Variants in DCDC2 observed in about 807,000 individuals in gnomAD.
DCDC2 encodes doublecortin domain-containing protein 2.
Under a neutral mutation model 50.2 loss-of-function variants are expected in DCDC2, and 40 were observed. The observed-to-expected ratio is 0.80, with a 90% CI of 0.62 to 1.04. The LOEUF (loss-of-function observed/expected upper bound fraction) is 1.04. DCDC2 is among the 50% of genes least tolerant of loss of function. DCDC2 has a pLI of 0.00. For synonymous variants in DCDC2, 234 were observed against 210.6 expected, an observed-to-expected ratio of 1.11 and a Z score of -0.96; for missense variants, 570 against 581.9, an observed-to-expected ratio of 0.98 and a Z score of 0.21.
chr6:24,182,643 A>AAAAAAAC (rs1761101521), intron 8 of DCDC2, among the ~76,000 whole-genome samples: 1 of 150,726 alleles, frequency 6.6e-6, no homozygotes, highest in Non-Finnish European at 1.5e-5. Flanking sequence ...AAAAAAAAAA[A>AAAAAAAC]ACAGAAGAAA....
intron 8 of DCDC2, among the ~76,000 whole-genome samples, chr6:24,200,725 C>T (rs1185678493): frequency 1.3e-5 from 2 of 151,984 alleles, no homozygotes; most frequent in African/African-American, 4.8e-5. Flanking sequence ...AGAGTCAAGA[C>T]CCATCGGTGT....
chr6:24,253,954 CTT>C (rs1461787080), intron 7 of DCDC2, among the ~76,000 whole-genome samples: 3 of 152,170 alleles, frequency 2.0e-5, no homozygotes, highest in Non-Finnish European at 4.4e-5. Context: ...TAACTTGACT[CTT>C]TCATAACAAA....
intron 2 of DCDC2, among the ~76,000 whole-genome samples, chr6:24,308,738 C>A (rs1042430364): frequency 2.0e-5 from 3 of 152,036 alleles, no homozygotes; most frequent in African/African-American, 4.8e-5. Context: ...AATTGAAACT[C>A]TAAAGAAACA....
chr6:24,369,088 C>G, the DCDC2 span, among the ~76,000 whole-genome samples: 1 of 132,462 alleles, frequency 7.5e-6, no homozygotes, highest in East Asian at 2.4e-4. Context: ...GAGCCAAGAT[C>G]ATGCCACTGC....
chr6:24,282,281 T>C (rs1763492243), intron 6 of DCDC2, among the ~76,000 whole-genome samples: 1 of 151,978 alleles, frequency 6.6e-6, no homozygotes, highest in Admixed American at 6.5e-5. Context: ...CTCACCCTAC[T>C]GCCCAGGCTA....
At chr6:24,312,592 C>T (rs1759593008) in intron 2 of DCDC2, among the ~76,000 whole-genome samples, 1 of 152,150 alleles carries the variant, frequency 6.6e-6, no homozygotes, top group African/African-American at 2.4e-5. Flanking sequence ...GATGAAACCA[C>T]TCATCTCTAC....
chr6:24,362,696 G>GA (rs1760689730), upstream of DCDC2, among the ~76,000 whole-genome samples: 1 of 152,074 alleles, frequency 6.6e-6, no homozygotes, highest in African/African-American at 2.4e-5. Flanking sequence ...AGGCAGCCTA[G>GA]ACTCGAAACG....
intron 8 of DCDC2, among the ~76,000 whole-genome samples, chr6:24,188,033 C>G (rs1386476331): frequency 6.6e-6 from 1 of 152,308 alleles, no homozygotes; most frequent in African/African-American, 2.4e-5. Context: ...AAGTACAGAG[C>G]AAAGACATAT....
chr6:24,193,524 G>A (rs1270627275), intron 8 of DCDC2, among the ~76,000 whole-genome samples: 2 of 152,104 alleles, frequency 1.3e-5, no homozygotes, highest in Admixed American at 1.3e-4. Context: ...TTTGGAGATG[G>A]CTTAGTAACA....
At chr6:24,288,703 T>A (rs1355245626) in intron 6 of DCDC2, 149 bp downstream of exon 6, 3 of 690,216 alleles carry the variant, frequency 4.3e-6, no homozygotes, top group African/African-American at 1.8e-5. Context: ...AAGTGTAACA[T>A]TAAAGTTCTA....
chr6:24,288,832 G>C lies in DCDC2; in HGVS notation c.759+20C>G. 6.2e-7 allele frequency: 1 copy of C among 1,600,752 alleles called. No individual in the cohort carries two copies. Among genetic ancestry groups the C allele is most frequent in the Non-Finnish European group, 8.6e-7 (1 of 1,168,298 alleles). Reference sequence around the variant, plus strand: ...ATATAAAAATATAGAACATCAACGAGGAAAGCATCTGATACTTACACTCCC... The same window carrying C: ...ATATAAAAATATAGAACATCAACGACGAAAGCATCTGATACTTACACTCCC... On this transcript the variant is annotated intron_variant, in intron 6 of 9. Transcript: ENST00000378454.
intron 7 of DCDC2, among the ~76,000 whole-genome samples, chr6:24,242,538 G>A (rs554564529): frequency 1.7e-4 from 26 of 152,262 alleles, no homozygotes; most frequent in Non-Finnish European, 2.6e-4. Flanking sequence ...CCCACCGCCA[G>A]CCTCTGTGAG....
chr6:24,196,418 G>A (rs527712665), intron 8 of DCDC2, among the ~76,000 whole-genome samples: 2 of 152,160 alleles, frequency 1.3e-5, no homozygotes, highest in South Asian at 2.1e-4. Flanking sequence ...AGACTGATAA[G>A]ACTTATCCAG....
At chr6:24,198,196 A>C (rs1173699079) in intron 8 of DCDC2, among the ~76,000 whole-genome samples, 1 of 152,208 alleles carries the variant, frequency 6.6e-6, no homozygotes, top group Non-Finnish European at 1.5e-5. Flanking sequence ...TGGCATTTTA[A>C]AAAAATGCTT....
intron 2 of DCDC2, among the ~76,000 whole-genome samples, chr6:24,309,800 C>T (rs1273182098): frequency 6.6e-6 from 1 of 152,068 alleles, no homozygotes; most frequent in Non-Finnish European, 1.5e-5. Context: ...CAAGATCTCA[C>T]AATATACTGT....
chr6:24,192,784 G>T (rs1004335851), intron 8 of DCDC2, among the ~76,000 whole-genome samples: 9 of 151,882 alleles, frequency 5.9e-5, no homozygotes, highest in Non-Finnish European at 1.3e-4. Context: ...ACTTGGGGAG[G>T]TCCTATATTC....
chr6:24,265,811 A>G (rs985814619), intron 7 of DCDC2, among the ~76,000 whole-genome samples: 1 of 152,022 alleles, frequency 6.6e-6, no homozygotes, highest in African/African-American at 2.4e-5. Context: ...AAAAGTAAAA[A>G]AAAAAAAATT....
rs767951392 is a variant in DCDC2 at position 24,250,096 on chromosome 6, C to T, written c.922+27953G>A. 7.2e-4 allele frequency among the ~76,000 whole-genome samples: 109 copies of T among 152,198 alleles called. 1 individual carries two copies. The highest frequency in any genetic ancestry group is 2.9e-4 in the Non-Finnish European group (20 of 68,020). ...CCTTTTTGATTTTTTACCCGGGTCCCGGCAGCCTCCCTCCCCCATCCTCTG... is the reference window on the plus strand; with the variant it reads ...CCTTTTTGATTTTTTACCCGGGTCCTGGCAGCCTCCCTCCCCCATCCTCTG... On this transcript the variant is annotated intron_variant, in intron 7 of 9. Transcript: ENST00000378454.
At chr6:24,199,727 G>A (rs1234694627) in intron 8 of DCDC2, among the ~76,000 whole-genome samples, 1 of 152,180 alleles carries the variant, frequency 6.6e-6, no homozygotes, top group African/African-American at 2.4e-5. Flanking sequence ...AGCTAAAGGA[G>A]CATGTTCTAA....
Sources: gnomAD v4.1 joint callset for allele counts (sites outside exome capture counted in the v4.1 genomes callset) on GRCh38, gnomAD v4.1.1 for gene constraint, MANE v1.5 for transcripts, NCBI Gene and HGNC (gene_info 2026-07-23, HGNC 2026-07-21) for gene names.